Variants in VEPH1 observed in about 807,000 individuals in gnomAD.
VEPH1 encodes the protein ventricular zone expressed PH domain containing 1, also known as ventricular zone-expressed PH domain-containing protein homolog 1.
VEPH1 carries 80 observed loss-of-function variants against 85.2 expected under a neutral mutation model. That is an observed-to-expected ratio of 0.94 (90% CI 0.78 to 1.13). The LOEUF is 1.13. Ranked by LOEUF, VEPH1 falls within the 50% of genes most tolerant of loss-of-function variation. The pLI is 0.00. For synonymous variants in VEPH1, 297 were observed against 348.0 expected (o/e 0.85, Z 1.63); for missense variants, 955 against 980.5 (o/e 0.97, Z 0.35).
rs952426730 is a variant in VEPH1 at position 157,324,603 on chromosome 3, G to T, written c.1736-7402C>A. On this transcript the variant is annotated intron_variant, in intron 9 of 13. Transcript: ENST00000362010. The stretch of plus-strand genomic sequence containing the variant: ...ATGTGGTGTTTGGTTTCCTGTTCCT[G>T]CATTAGTTTGCTGAGGGTAATGGCC... Among the ~76,000 whole-genome samples, 3 of 151,576 alleles carry T rather than the reference G, an allele frequency of 2.0e-5. No individual in the cohort carries two copies. The East Asian group carries it at 5.8e-4, about 29-fold the overall frequency.
chr3:157,294,912 G>A (rs1717938004), intron 11 of VEPH1, among the ~76,000 whole-genome samples: 1 of 152,178 alleles, frequency 6.6e-6, no homozygotes, highest in African/African-American at 2.4e-5. Flanking sequence ...GGATATAGGA[G>A]CTTGGGTTGT....
intron 7 of VEPH1, among the ~76,000 whole-genome samples, chr3:157,370,758 A>G (rs563713544): frequency 1.3e-5 from 2 of 152,304 alleles, no homozygotes; most frequent in East Asian, 1.9e-4. Flanking sequence ...AAATAACTCC[A>G]TGGTTTACTT....
chr3:157,341,543 G>A (rs1304825275), intron 9 of VEPH1, among the ~76,000 whole-genome samples: 8 of 142,176 alleles, frequency 5.6e-5, no homozygotes, highest in Middle Eastern at 3.6e-3. Flanking sequence ...CCAAATCTAT[G>A]TCTGATTGGT....
chr3:157,459,989 G>A (rs1735686957), intron 4 of VEPH1, 192 bp downstream of exon 4: 1 of 1,539,928 alleles, frequency 6.5e-7, no homozygotes, highest in South Asian at 1.2e-5. Flanking sequence ...TAATTCATCT[G>A]CCTTGGGAAG....
chr3:157,381,317 C>A lies in VEPH1; in HGVS notation c.966G>T (p.Ser322=). ...LVSQLANMEH[S]FHHILLLEIK... is the part of the protein sequence containing the mutation. The stretch of plus-strand genomic sequence containing the variant: ...TCTCCAGCAGGAGAATATGGTGAAA[C>A]GAATGCTCCATGTTGGCCAGTTGGC... Residue 322 remains serine (S), a synonymous_variant, in exon 7 of 14, where the codon TCG becomes TCT. Transcript: ENST00000362010. 6.2e-7 allele frequency: 1 copy of A among 1,614,152 alleles called. No individual in the cohort carries two copies. Among genetic ancestry groups the A allele is most frequent in the East Asian group, 2.2e-5 (1 of 44,882 alleles).
intron 6 of VEPH1, among the ~76,000 whole-genome samples, chr3:157,404,544 G>A (rs1279847030): frequency 6.6e-6 from 1 of 152,132 alleles, no homozygotes; most frequent in Non-Finnish European, 1.5e-5. Flanking sequence ...AACCAATAGG[G>A]GAACAGAAGA....
intron 11 of VEPH1, among the ~76,000 whole-genome samples, chr3:157,301,495 C>A (rs554150386): frequency 3.2e-4 from 48 of 152,170 alleles, no homozygotes; most frequent in Admixed American, 4.6e-4. Context: ...CACTTACCAA[C>A]CCATTCAGCA....
intron 4 of VEPH1, among the ~76,000 whole-genome samples, chr3:157,457,137 G>T (rs1481978012): frequency 1.3e-5 from 2 of 151,992 alleles, no homozygotes; most frequent in African/African-American, 4.8e-5. Flanking sequence ...TGTGTGTGTG[G>T]CACTTGTAAA....
intron 9 of VEPH1, among the ~76,000 whole-genome samples, chr3:157,323,488 C>A (rs999214494): frequency 2.6e-5 from 4 of 152,174 alleles, no homozygotes; most frequent in African/African-American, 9.6e-5. Flanking sequence ...TTACTAAGTT[C>A]TATTTACAAC....
chr3:157,476,466 T>C (rs189360536), intron 2 of VEPH1, among the ~76,000 whole-genome samples: 12 of 152,310 alleles, frequency 7.9e-5, no homozygotes, highest in Non-Finnish European at 1.0e-4. Flanking sequence ...GCAAAGGATG[T>C]ACAGCAGTAG....
intron 12 of VEPH1, among the ~76,000 whole-genome samples, chr3:157,276,259 C>G (rs1294862546): frequency 1.3e-5 from 2 of 152,212 alleles, no homozygotes; most frequent in African/African-American, 4.8e-5. Flanking sequence ...TGACCAATTA[C>G]TGATGTACTG....
At chr3:157,341,913 T>C (rs1256857510) in intron 9 of VEPH1, among the ~76,000 whole-genome samples, 3 of 152,096 alleles carry the variant, frequency 2.0e-5, no homozygotes, top group Non-Finnish European at 2.9e-5. Context: ...GAATTTCATA[T>C]CCAGCCAAAC....
In VEPH1 at chr3:157,437,896, C is replaced by T. The variant is rs1339120166; in HGVS notation, c.530-9408G>A. The T allele has an allele frequency of 4.6e-6, 7 of 1,521,428 alleles. No individual in the cohort carries two copies. The highest frequency in any genetic ancestry group is 1.4e-5 in the African/African-American group (1 of 71,034). 94.2% of individuals were successfully genotyped at this position (1,521,428 alleles called of 1,614,324 possible). ...GCACGCGGTGCAGGGCTGGGCTGCC[C>T]GGAGCTGGCTGCCGGCAGGTAAGGA... On this transcript the variant is annotated intron_variant, in intron 4 of 13. Coordinates refer to ENST00000362010, the MANE Select transcript of VEPH1 (RefSeq NM_001167912.2).
intron 2 of VEPH1, among the ~76,000 whole-genome samples, chr3:157,488,050 G>C (rs1738822036): frequency 6.6e-6 from 1 of 152,008 alleles, no homozygotes; most frequent in Non-Finnish European, 1.5e-5. Flanking sequence ...TCAAATAATA[G>C]AATAAGGATT....
At chr3:157,294,915 T>G (rs779228210) in intron 11 of VEPH1, among the ~76,000 whole-genome samples, 2 of 152,226 alleles carry the variant, frequency 1.3e-5, no homozygotes, top group African/African-American at 2.4e-5. Flanking sequence ...TATAGGAGCT[T>G]GGGTTGTCAA....
intron 7 of VEPH1, among the ~76,000 whole-genome samples, chr3:157,371,730 A>G (rs1159711287): frequency 6.6e-6 from 1 of 152,226 alleles, no homozygotes; most frequent in Non-Finnish European, 1.5e-5. Flanking sequence ...ATTCTGTAGT[A>G]AGGTAAGACT....
intron 9 of VEPH1, among the ~76,000 whole-genome samples, chr3:157,322,139 A>T (rs964047055): frequency 1.3e-5 from 2 of 152,038 alleles, no homozygotes; most frequent in African/African-American, 4.8e-5. Flanking sequence ...GCCCCTGGCA[A>T]CCAGCCACTC....
chr3:157,409,965 A>G (rs934598566), intron 6 of VEPH1: 1 of 979,600 alleles, frequency 1.0e-6, no homozygotes, highest in Non-Finnish European at 1.2e-6. Flanking sequence ...TGTATATTAT[A>G]TGCTCTGATC....
rs1577166331 is a variant in VEPH1, at chr3:157,260,047, G to A, written c.*1087C>T. 1 of 152,136 alleles carries A rather than the reference G, an allele frequency of 6.6e-6. No homozygotes were observed. Among genetic ancestry groups the A allele is most frequent in the Non-Finnish European group, 1.5e-5 (1 of 68,024 alleles). 9.4% of individuals were successfully genotyped at this position (152,136 alleles called of 1,614,324 possible). On this transcript the variant is annotated 3_prime_UTR_variant, in exon 14 of 14. Transcript: ENST00000362010. ...CTGATTAGGTCAGGCCCACCCAGGG[G>A]ATCTCTTTGATTAACTCAAAGTCAG...
Sources: gnomAD v4.1 joint callset for allele counts (sites outside exome capture counted in the v4.1 genomes callset) on GRCh38, gnomAD v4.1.1 for gene constraint, MANE v1.5 for transcripts, NCBI Gene and HGNC (gene_info 2026-07-23, HGNC 2026-07-21) for gene names.